F13A1: variants seen among roughly 807,000 people sequenced by gnomAD.
The protein encoded by F13A1 is FSF, A subunit.
F13A1 carries 47 observed loss-of-function variants against 80.1 expected under a neutral mutation model. That is an observed-to-expected ratio of 0.59 (90% CI 0.46 to 0.75). F13A1 has a LOEUF of 0.75. Among genes scored for constraint, F13A1 ranks in the 30% least tolerant of loss-of-function variants. The pLI, the probability that F13A1 is intolerant of heterozygous loss-of-function variation, is 0.00. For synonymous variants in F13A1, 349 were observed against 344.9 expected, an observed-to-expected ratio of 1.01 and a Z score of -0.13; for missense variants, 817 against 930.4, an observed-to-expected ratio of 0.88 and a Z score of 1.59.
intron 12 of F13A1, among the ~76,000 whole-genome samples, chr6:6,168,517 G>C (rs750650699): frequency 1.3e-5 from 2 of 152,204 alleles, no homozygotes; most frequent in Non-Finnish European, 2.9e-5. Context: ...CCAGATGCCT[G>C]TATGTGCCGA....
At chr6:6,159,986 C>G (rs1318621008) in intron 13 of F13A1, among the ~76,000 whole-genome samples, 3 of 152,048 alleles carry the variant, frequency 2.0e-5, no homozygotes, top group African/African-American at 7.2e-5. Flanking sequence ...CAAAAATGTT[C>G]TCACTGTTGG....
Position 6,181,971 on chromosome 6 carries a change from C to T in F13A1, c.1459+17G>A, listed in dbSNP as rs1343195003. 6.2e-7 allele frequency: 1 copy of T among 1,613,822 alleles called. No individual in the cohort carries two copies. Among genetic ancestry groups the T allele is most frequent in the Non-Finnish European group, 8.5e-7 (1 of 1,179,768 alleles). ...GGACTTGGGCAAATAAATCTTCATT[C>T]AGTGGTAGTAAATTACCTTCTTGGA... On this transcript the variant is annotated intron_variant, in intron 11 of 14. Coordinates refer to ENST00000264870, the MANE Select transcript of F13A1 (RefSeq NM_000129.4).
In F13A1 at chr6:6,306,846, C is replaced by T. The variant is rs187059625; in HGVS notation, c.131-1307G>A. Among the ~76,000 whole-genome samples, 651 of 152,358 alleles carry T rather than the reference C, an allele frequency of 4.3e-3. 12 individuals are homozygous for T. The highest frequency in any genetic ancestry group is 0.036 in the Admixed American group (550 of 15,306). On this transcript the variant is annotated intron_variant, in intron 2 of 14. Transcript: ENST00000264870. ...CATAGTCGAATGGCTTCCTTTACCT[C>T]CACACATAAATCCTGTGCAGGATGC... is the stretch of plus-strand genomic sequence containing the variant.
intron 3 of F13A1, among the ~76,000 whole-genome samples, chr6:6,271,797 T>C (rs1757925186): frequency 6.6e-6 from 1 of 152,364 alleles, no homozygotes; most frequent in African/African-American, 2.4e-5. Context: ...ACAAAACTAA[T>C]GTTTTTAAGG....
chr6:6,274,139 A>T (rs1757956921), intron 3 of F13A1, among the ~76,000 whole-genome samples: 1 of 152,210 alleles, frequency 6.6e-6, no homozygotes, highest in South Asian at 2.1e-4. Context: ...TTGGGGGGAA[A>T]CTTTGTGAAG....
intron 7 of F13A1, 48 bp from the exon 8 acceptor site, chr6:6,222,219 A>T (rs748392505): frequency 1.9e-6 from 3 of 1,612,584 alleles, no homozygotes; most frequent in Non-Finnish European, 2.5e-6. Context: ...AGCATTTAAT[A>T]AACACAGAGT....
chr6:6,313,646 A>G (rs1309627267), intron 2 of F13A1, among the ~76,000 whole-genome samples: 1 of 149,884 alleles, frequency 6.7e-6, no homozygotes, highest in East Asian at 2.0e-4. Flanking sequence ...TTATTGAACT[A>G]TAAGCATAAA....
intron 13 of F13A1, among the ~76,000 whole-genome samples, chr6:6,165,296 T>A (rs1203917072): frequency 6.6e-6 from 1 of 152,210 alleles, no homozygotes; most frequent in East Asian, 1.9e-4. Flanking sequence ...GATAAGGTAT[T>A]CTGATTGTGC....
At chr6:6,230,961 C>T (rs1217885238) in intron 6 of F13A1, among the ~76,000 whole-genome samples, 3 of 152,196 alleles carry the variant, frequency 2.0e-5, no homozygotes, top group African/African-American at 4.8e-5. Context: ...CCTAGACCTT[C>T]CCTCTGACAG....
intron 8 of F13A1, among the ~76,000 whole-genome samples, chr6:6,206,924 G>T (rs955513462): frequency 6.6e-6 from 1 of 151,212 alleles, no homozygotes; most frequent in African/African-American, 2.4e-5. Context: ...CTTGTGTAGT[G>T]GTTAAGAGTG....
At chr6:6,273,467 G>A (rs1237191392) in intron 3 of F13A1, among the ~76,000 whole-genome samples, 1 of 152,118 alleles carries the variant, frequency 6.6e-6, no homozygotes, top group African/African-American at 2.4e-5. Flanking sequence ...CTTCCTCAGA[G>A]GGTGTTTTCC....
rs121913071 is a variant in F13A1, at chr6:6,248,328, C to T, written c.782G>A (p.Arg261His). Residue 261 changes from arginine (R) to histidine (H), a missense_variant, in exon 6 of 15, where the codon CGT (arginine) becomes CAT (histidine). Transcript: ENST00000264870. ...SGRGNPIKVS[R>H]VGSAMVNAKD... is the part of the protein sequence containing the mutation. ...GCTGCTTACCATTGCAGACCCCACA[C>T]GGCTGACTTTGATGGGATTCCCTCT... The T allele has an allele frequency of 5.0e-6, 8 of 1,613,798 alleles. No individual in the cohort carries two copies. The highest frequency in any genetic ancestry group is 1.7e-4 in the Middle Eastern group (1 of 6,058).
At chr6:6,292,237 A>G (rs1298547033) in intron 3 of F13A1, among the ~76,000 whole-genome samples, 2 of 152,198 alleles carry the variant, frequency 1.3e-5, no homozygotes, top group African/African-American at 4.8e-5. Flanking sequence ...TACCTCCATT[A>G]GCATTTTCCA....
chr6:6,293,381 A>G (rs1347281246), intron 3 of F13A1, among the ~76,000 whole-genome samples: 2 of 152,052 alleles, frequency 1.3e-5, no homozygotes, highest in African/African-American at 4.8e-5. Context: ...ACAGGTTAGT[A>G]AAACCTGTGA....
chr6:6,250,409 C>CT lies in F13A1; in HGVS notation c.690+401dup, dbSNP rs1387226876. Among the ~76,000 whole-genome samples the CT allele has an allele frequency of 7.8e-6, 1 of 128,814 alleles. No individual in the cohort carries two copies. Among genetic ancestry groups the CT allele is most frequent in the African/African-American group, 3.3e-5 (1 of 30,432 alleles). The allele number at this position is 128,814 out of a possible 152,430, so 84.5% of individuals were successfully genotyped here. On this transcript the variant is annotated intron_variant, in intron 5 of 14. Transcript: ENST00000264870. The surrounding 1 kb of genome is among the most constrained non-coding windows in gnomAD (Gnocchi z 4.2). ...TAATTAGCAGTACCCTAGGCTAACA[C>CT]TTAAAAAAAAAAAAAAAGAAGCTAT...
chr6:6,173,651 G>A (rs1048194999), intron 12 of F13A1, among the ~76,000 whole-genome samples: 5 of 152,024 alleles, frequency 3.3e-5, no homozygotes, highest in African/African-American at 7.2e-5. Flanking sequence ...CAGGTGATCC[G>A]CTAACCTCAG....
At chr6:6,183,515 A>T (rs1761025323) in intron 10 of F13A1, among the ~76,000 whole-genome samples, 1 of 152,202 alleles carries the variant, frequency 6.6e-6, no homozygotes. Flanking sequence ...ACAAAAATAG[A>T]CGCCTGATTA....
At chr6:6,305,616 A>G in intron 2 of F13A1, 77 bp from the exon 3 acceptor site, 7 of 1,498,908 alleles carry the variant, frequency 4.7e-6, no homozygotes, top group Non-Finnish European at 3.7e-6. Flanking sequence ...AAACAAGATT[A>G]TTTTCCCTGA....
intron 13 of F13A1, among the ~76,000 whole-genome samples, chr6:6,167,218 C>T (rs920197581): frequency 6.6e-6 from 1 of 152,056 alleles, no homozygotes; most frequent in Non-Finnish European, 1.5e-5. Flanking sequence ...TATCTGCAGC[C>T]ACATCTATAT....
Sources: allele counts gnomAD v4.1 joint callset (sites outside exome capture counted in the v4.1 genomes callset), GRCh38; gene constraint gnomAD v4.1.1; non-coding constraint Gnocchi (gnomAD v3.1); transcripts MANE v1.5; gene names NCBI Gene and HGNC (gene_info 2026-07-23, HGNC 2026-07-21).